The following ATP5F1B variants were observed in gnomAD, a reference collection of about 807,000 sequenced individuals.
ATP5F1B encodes ATP synthase F1 subunit beta.
Under a neutral mutation model 45.9 loss-of-function variants are expected in ATP5F1B, and 17 were observed. That is an observed-to-expected ratio of 0.37 (90% confidence interval 0.25 to 0.56). The LOEUF is 0.56. Among genes scored for constraint, ATP5F1B ranks in the 20% least tolerant of loss-of-function variants. ATP5F1B has a pLI of 0.80. For missense variants in ATP5F1B, 387 were observed against 673.2 expected (o/e 0.57, Z 4.70); for synonymous variants, 218 against 256.5 (o/e 0.85, Z 1.43).
Position 56,639,146 on chromosome 12 carries a change from G to T in ATP5F1B, c.1449C>A (p.Pro483=), listed in dbSNP as rs149104052. Residue 483 remains proline (P), a synonymous_variant, in exon 9 of 10, where the codon CCC becomes CCA. Coordinates refer to ENST00000262030, the MANE Select transcript of ATP5F1B (RefSeq NM_001686.4). The part of the protein sequence containing the change: ...VFTGHMGKLV[P]LKETIKGFQQ... ...GGAATCCTTTGATGGTCTCCTTCAG[G>T]GGTACCAGCTTCCCCATATGACCTG... 1.9e-6 allele frequency: 3 copies of T among 1,613,730 alleles called. No individual in the cohort carries two copies. The highest frequency in any genetic ancestry group is 2.5e-6 in the Non-Finnish European group (3 of 1,179,848).
intron 8 of ATP5F1B, chr12:56,639,538 C>T: frequency 1.9e-6 from 1 of 520,924 alleles, no homozygotes; most frequent in East Asian, 3.5e-5. Flanking sequence ...CTTTGGGAGG[C>T]CACGGTGGGT....
Position 56,645,243 on chromosome 12 carries a change from G to A in ATP5F1B, c.238C>T (p.Pro80Ser). Residue 80 changes from proline (P) to serine (S), a missense_variant, in exon 2 of 10, where the codon CCA becomes TCA. Pro to Ser is a moderately conservative substitution (Grantham distance 74). This residue lies in a region of ATP5F1B where 113 missense variants were observed against 168.0 expected (regional missense o/e 0.67). Coordinates refer to ENST00000262030, the MANE Select transcript of ATP5F1B (RefSeq NM_001686.4). The part of the protein sequence containing the change: ...VVDVQFDEGL[P>S]PILNALEVQG... Reference sequence around the variant, plus strand: ...ACTTCCAGGGCATTTAGAATTGGTGGTAGTCCCTCATCAAACTGGACGTCC... The same window carrying A: ...ACTTCCAGGGCATTTAGAATTGGTGATAGTCCCTCATCAAACTGGACGTCC... 1 of 1,614,234 alleles carries A rather than the reference G, an allele frequency of 6.2e-7. No individual in the cohort carries two copies. The highest frequency in any genetic ancestry group is 8.5e-7 in the Non-Finnish European group (1 of 1,180,032).
In ATP5F1B at chr12:56,638,326, C is replaced by G. The variant is rs376030666; in HGVS notation, c.1587G>C (p.Ser529=). The change falls in exon 10 of 10, where the codon TCG becomes TCC. Residue 529 remains serine, a synonymous_variant. Transcript: ENST00000262030. Reference sequence around the variant, plus strand: ...CAGTACAGAGGACAAAGACCCCTCACGATGAATGCTCTTCAGCCAGCTTAT... The same window carrying G: ...CAGTACAGAGGACAAAGACCCCTCAGGATGAATGCTCTTCAGCCAGCTTAT... The part of the protein sequence containing the change: ...KADKLAEEHS[S] 1.2e-6 allele frequency: 2 copies of G among 1,613,488 alleles called. No individual in the cohort carries two copies. Among genetic ancestry groups the G allele is most frequent in the Non-Finnish European group, 1.7e-6 (2 of 1,179,470 alleles).
At chr12:56,643,047 C>A (rs1951524004) in intron 5 of ATP5F1B, 2 of 568,800 alleles carry the variant, frequency 3.5e-6, no homozygotes, top group Non-Finnish European at 6.0e-6. Context: ...GAAATAAAAA[C>A]CTATTCAAGT....
At position 56,642,593 on chromosome 12, in the gene ATP5F1B, AAG is replaced by A; in HGVS notation, c.952-15_952-14del. The A allele has an allele frequency of 6.2e-7, 1 of 1,614,146 alleles. No homozygotes were observed. Among genetic ancestry groups the A allele is most frequent in the Non-Finnish European group, 8.5e-7 (1 of 1,180,022 alleles). ...ATAATGCAGACACCTAAAAGAAAAA[AAG>A]GTCTTAGGTGTCTACATCCTTAGCC... On this transcript the variant is annotated splice_polypyrimidine_tract_variant and intron_variant, in intron 6 of 9. Transcript: ENST00000262030.
Position 56,643,526 on chromosome 12 carries a change from G to A in ATP5F1B, c.669C>T (p.Val223=), listed in dbSNP as rs761151482. The change falls in exon 5 of 10, where the codon GTC becomes GTT. Residue 223 remains valine (V), a synonymous_variant. Coordinates refer to ENST00000262030, the MANE Select transcript of ATP5F1B (RefSeq NM_001686.4). ...CAGAGTAACCACCATGGGCTTTGGCGACATTGTTGATTAACTCCATGATCA... is the reference window on the plus strand; with the variant it reads ...CAGAGTAACCACCATGGGCTTTGGCAACATTGTTGATTAACTCCATGATCA... ...TVLIMELINN[V]AKAHGGYSVF... is the part of the protein sequence containing the mutation. 111 of 1,613,944 alleles carry A rather than the reference G, an allele frequency of 6.9e-5. No individual in the cohort carries two copies. The highest frequency in any genetic ancestry group is 2.2e-5 in the East Asian group (1 of 44,894).
intron 3 of ATP5F1B, 85 bp downstream of exon 3, chr12:56,644,696 G>A: frequency 2.8e-6 from 4 of 1,420,194 alleles, no homozygotes; most frequent in Non-Finnish European, 3.8e-6. Flanking sequence ...GAAAAATTCT[G>A]CTTTAGGAGA....
chr12:56,645,270 C>G lies in ATP5F1B; in HGVS notation c.211G>C (p.Val71Leu). The G allele has an allele frequency of 1.2e-6, 2 of 1,614,256 alleles. No homozygotes were observed. Among genetic ancestry groups the G allele is most frequent in the Non-Finnish European group, 1.7e-6 (2 of 1,180,036 alleles). Residue 71 changes from valine to leucine, a missense_variant, in exon 2 of 10, where the codon GTG becomes CTG. Physicochemically the swap from Val to Leu is conservative, Grantham distance 32. This residue lies in a region of ATP5F1B where 113 missense variants were observed against 168.0 expected (regional missense o/e 0.67). Coordinates refer to ENST00000262030, the MANE Select transcript of ATP5F1B (RefSeq NM_001686.4). ...AGTCCCTCATCAAACTGGACGTCCACCACTGCGCCAATGACCGCCACGATG... is the reference window on the plus strand; with the variant it reads ...AGTCCCTCATCAAACTGGACGTCCAGCACTGCGCCAATGACCGCCACGATG... ...GRIVAVIGAVVDVQFDEGLPP... is the reference protein window; with the variant it reads ...GRIVAVIGAVLDVQFDEGLPP...
intron 8 of ATP5F1B, 106 bp downstream of exon 8, chr12:56,639,874 T>G (rs554853671): frequency 8.1e-7 from 1 of 1,234,632 alleles, no homozygotes; most frequent in Non-Finnish European, 1.1e-6. Context: ...GCCTCAACTT[T>G]CCTTGCTCCA....
Position 56,645,346 on chromosome 12 carries a change from G to C in ATP5F1B, c.135C>G (p.Asp45Glu), listed in dbSNP as rs1354936022. ...GCGAAGGAGATGTTTGCGCCGCATAGTCCCTGACTAACAGACAAAAGATAT... is the reference window on the plus strand; with the variant it reads ...GCGAAGGAGATGTTTGCGCCGCATACTCCCTGACTAACAGACAAAAGATAT... ...AAPTAVHPVR[D>E]YAAQTSPSPK... The change falls in exon 2 of 10, where the codon GAC (aspartate) becomes GAG (glutamate). Residue 45 changes from aspartate to glutamate, a missense_variant. Transcript: ENST00000262030. The C allele has an allele frequency of 6.2e-7, 1 of 1,613,202 alleles. No homozygotes were observed. The highest frequency in any genetic ancestry group is 2.2e-5 in the East Asian group (1 of 44,884).
chr12:56,644,113 T>C (rs971368786), intron 3 of ATP5F1B, among the ~76,000 whole-genome samples, 155 bp from the exon 4 acceptor site: 8 of 151,594 alleles, frequency 5.3e-5, no homozygotes, highest in African/African-American at 1.9e-4. Context: ...TAAACTATCA[T>C]CTAGGATCTA....
intron 7 of ATP5F1B, 75 bp from the exon 8 acceptor site, chr12:56,640,267 C>T (rs1951502351): frequency 1.8e-5 from 24 of 1,326,182 alleles, no homozygotes; most frequent in Middle Eastern, 2.6e-4. Context: ...CTCGCTCTGT[C>T]GCCCAGGCTG....
chr12:56,639,884 A>G, intron 8 of ATP5F1B, 96 bp downstream of exon 8: 1 of 1,365,360 alleles, frequency 7.3e-7, no homozygotes, highest in South Asian at 1.3e-5. Context: ...TCCTTGCTCC[A>G]AAACAAATCA....
rs368274816 is a variant in ATP5F1B at position 56,640,142 on chromosome 12, C to T, written c.1125G>A (p.Thr375=). The change falls in exon 8 of 10, where the codon ACG becomes ACA. Residue 375 remains threonine (T), a synonymous_variant. Transcript: ENST00000262030. ...CAGTGGTAGCATCCAAATGGGCAAACGTAGTAGCAGGGGCAGGGTCAGTCA... is the reference window on the plus strand; with the variant it reads ...CAGTGGTAGCATCCAAATGGGCAAATGTAGTAGCAGGGGCAGGGTCAGTCA... ...DDLTDPAPAT[T]FAHLDATTVL... 6.6e-5 allele frequency: 106 copies of T among 1,613,722 alleles called. No individual in the cohort carries two copies. The highest frequency in any genetic ancestry group is 8.3e-5 in the Non-Finnish European group (98 of 1,179,942).
At position 56,645,122 on chromosome 12, in the gene ATP5F1B, A is replaced by G. The variant is rs756849861; in HGVS notation, c.310+49T>C. On this transcript the variant is annotated intron_variant, in intron 2 of 9. Coordinates refer to ENST00000262030, the MANE Select transcript of ATP5F1B (RefSeq NM_001686.4). ...GAAGGCAGACAGCTTGGTTTTGGGG[A>G]TATTTGGGCTACACAAGGTCTTTAC... 4 of 1,612,452 alleles carry G rather than the reference A, an allele frequency of 2.5e-6. No homozygotes were observed. The South Asian group carries it at 4.4e-5, about 18-fold the overall frequency.
Position 56,640,211 on chromosome 12 carries a change from AAG to A in ATP5F1B, c.1075-21_1075-20del, listed in dbSNP as rs780555674. The A allele has an allele frequency of 6.2e-7, 1 of 1,608,786 alleles. No homozygotes were observed. Among genetic ancestry groups the A allele is most frequent in the South Asian group, 1.1e-5 (1 of 90,500 alleles). ...AGATAGCCTAAAGTGAGATCCCATG[AAG>A]AACAGGAACCAAAGTAAATTTTTTT... On this transcript the variant is annotated intron_variant, in intron 7 of 9. Transcript: ENST00000262030.
chr12:56,640,896 AAAATTAGCCAG>A (rs1185097408), intron 7 of ATP5F1B, among the ~76,000 whole-genome samples: 1 of 150,976 alleles, frequency 6.6e-6, no homozygotes, highest in African/African-American at 2.4e-5. Context: ...AACGGAAACA[AAAATTAGCCAG>A]GCATGGTGAT....
At chr12:56,644,043 A>C in intron 3 of ATP5F1B, 85 bp from the exon 4 acceptor site, 74 of 1,496,636 alleles carry the variant, frequency 4.9e-5, no homozygotes, top group Middle Eastern at 2.0e-4. Context: ...ATCAACTCTC[A>C]AGTCCATCCC....
intron 8 of ATP5F1B, among the ~76,000 whole-genome samples, chr12:56,639,719 C>T (rs535156400): frequency 1.3e-4 from 20 of 149,544 alleles, no homozygotes; most frequent in Non-Finnish European, 2.4e-4. Flanking sequence ...TGCAGTGAGC[C>T]GAGATGGCAC....
Sources: allele counts gnomAD v4.1 joint callset (sites outside exome capture counted in the v4.1 genomes callset), GRCh38; gene constraint gnomAD v4.1.1; regional missense constraint gnomAD v4.1.1; transcripts MANE v1.5; gene names NCBI Gene and HGNC (gene_info 2026-07-23, HGNC 2026-07-21).